EXOC4: variants seen among roughly 807,000 people sequenced by gnomAD.
The protein encoded by EXOC4 is SEC8-like 1.
Under a neutral mutation model 107.2 loss-of-function variants are expected in EXOC4, and 71 were observed. That is an observed-to-expected ratio of 0.66 (90% CI 0.55 to 0.81). The LOEUF (loss-of-function observed/expected upper bound fraction) is 0.81. Ranked by LOEUF, EXOC4 falls within the 30% of genes least tolerant of loss-of-function variation. The pLI is 0.00. For synonymous variants in EXOC4, 456 were observed against 441.2 expected (o/e 1.03, Z -0.42); for missense variants, 1,108 against 1,189.6 (o/e 0.93, Z 1.01).
intron 10 of EXOC4, among the ~76,000 whole-genome samples, chr7:133,742,689 A>T (rs1008122242): frequency 1.3e-5 from 2 of 152,156 alleles, no homozygotes; most frequent in African/African-American, 2.4e-5. Context: ...TAGCTCATGC[A>T]ATATTGCTTA....
At chr7:133,512,291 G>A (rs1321689215) in intron 9 of EXOC4, among the ~76,000 whole-genome samples, 10 of 152,008 alleles carry the variant, frequency 6.6e-5, no homozygotes, top group African/African-American at 1.7e-4. Context: ...TTAGCCAGGC[G>A]TGGTGGCTCG....
intron 16 of EXOC4, among the ~76,000 whole-genome samples, chr7:134,006,888 G>A (rs1794653841): frequency 6.6e-6 from 1 of 152,148 alleles, no homozygotes; most frequent in Admixed American, 6.5e-5. Context: ...GATATCCTGA[G>A]GAGGACTTAT....
chr7:134,060,045 AAC>A, intron 17 of EXOC4, among the ~76,000 whole-genome samples: 1 of 152,322 alleles, frequency 6.6e-6, no homozygotes, highest in Non-Finnish European at 1.5e-5. Context: ...AGCCACAGAG[AAC>A]AGTCTGTTGA....
intron 10 of EXOC4, among the ~76,000 whole-genome samples, chr7:133,794,919 T>C (rs1796780885): frequency 6.6e-6 from 1 of 151,988 alleles, no homozygotes; most frequent in Non-Finnish European, 1.5e-5. Context: ...ATTAGGTATA[T>C]CTCCTAATGC....
chr7:133,545,148 C>G (rs577109265), intron 9 of EXOC4, among the ~76,000 whole-genome samples: 4 of 152,038 alleles, frequency 2.6e-5, no homozygotes, highest in South Asian at 2.1e-4. Flanking sequence ...TTTCCTCCCC[C>G]ACTCTTGCAT....
chr7:133,254,004 A>G (rs888256798), intron 1 of EXOC4: 3 of 152,220 alleles, frequency 2.0e-5, no homozygotes, highest in African/African-American at 7.2e-5. Flanking sequence ...CACGTTTTTT[A>G]CGTTGTTGGC....
chr7:133,507,922 A>G (rs1217499015), intron 9 of EXOC4, among the ~76,000 whole-genome samples: 1 of 152,022 alleles, frequency 6.6e-6, no homozygotes, highest in African/African-American at 2.4e-5. Context: ...TTAACTGGGC[A>G]TGGTAGTGCA....
intron 9 of EXOC4, among the ~76,000 whole-genome samples, chr7:133,585,046 A>G (rs1383481332): frequency 6.6e-6 from 1 of 152,212 alleles, no homozygotes; most frequent in Admixed American, 6.5e-5. Context: ...AAATCTCAGC[A>G]TAAATCTTAG....
chr7:134,032,418 C>G (rs544643861), intron 17 of EXOC4, among the ~76,000 whole-genome samples: 2 of 152,334 alleles, frequency 1.3e-5, no homozygotes, highest in South Asian at 4.1e-4. Flanking sequence ...CCACCATCTT[C>G]CTGCTGCTAA....
At chr7:133,568,215 C>CT (rs1239165863) in intron 9 of EXOC4, among the ~76,000 whole-genome samples, 2 of 151,134 alleles carry the variant, frequency 1.3e-5, no homozygotes, top group African/African-American at 2.4e-5. Context: ...TCAGTTGCCT[C>CT]TTCTTTCCCC....
At chr7:134,011,854 G>A (rs567642068) in intron 17 of EXOC4, among the ~76,000 whole-genome samples, 23 of 151,420 alleles carry the variant, frequency 1.5e-4, no homozygotes, top group Non-Finnish European at 2.9e-4. Flanking sequence ...GAGGTAATCC[G>A]AAATTTTAGA....
rs182549487 is a variant in EXOC4, at chr7:133,338,995, G to A, written c.764-17335G>A. Among the ~76,000 whole-genome samples the A allele has an allele frequency of 1.4e-4, 21 of 152,098 alleles. No individual in the cohort carries two copies. In the East Asian group the frequency reaches 3.7e-3, roughly 27 times the overall value. ...TCGAACTCCAGACCTCAGGTCATCC[G>A]CCCTCCTTGCCCTCCCAAAGTGCTG... is the stretch of plus-strand genomic sequence containing the variant. On this transcript the variant is annotated intron_variant, in intron 5 of 17. Transcript: ENST00000253861.
At chr7:134,057,099 G>T (rs939408412) in intron 17 of EXOC4, among the ~76,000 whole-genome samples, 1 of 152,110 alleles carries the variant, frequency 6.6e-6, no homozygotes. Flanking sequence ...AGAGGTAACT[G>T]GTAACTGCCA....
intron 13 of EXOC4, among the ~76,000 whole-genome samples, chr7:133,924,942 C>A (rs1202966683): frequency 2.6e-5 from 4 of 152,190 alleles, no homozygotes; most frequent in Non-Finnish European, 5.9e-5. Context: ...TGACTCTTTC[C>A]TTTTAACCTG....
At position 133,673,791 on chromosome 7, in the gene EXOC4, A is replaced by G. The variant is rs545113951; in HGVS notation, c.1514+43650A>G. On this transcript the variant is annotated intron_variant, in intron 10 of 17. Coordinates refer to ENST00000253861, the MANE Select transcript of EXOC4 (RefSeq NM_021807.4). ...GGAATTCTGTTAAGTATGTTTTTCA[A>G]TAATTACTATGGCATTCTGTTACTA... Among the ~76,000 whole-genome samples the G allele has an allele frequency of 7.2e-5, 11 of 152,348 alleles. No individual in the cohort carries two copies. The East Asian group carries it at 7.7e-4, about 11-fold the overall frequency.
chr7:134,055,506 G>A (rs1563106884), intron 17 of EXOC4, among the ~76,000 whole-genome samples: 1 of 152,200 alleles, frequency 6.6e-6, no homozygotes, highest in South Asian at 2.1e-4. Context: ...GGGAGCATAT[G>A]TTCCCATCAA....
intron 4 of EXOC4, among the ~76,000 whole-genome samples, chr7:133,314,571 T>C (rs1214393867): frequency 6.6e-6 from 1 of 152,206 alleles, no homozygotes; most frequent in East Asian, 1.9e-4. Flanking sequence ...TAAATTTAAC[T>C]GAAATATGTT....
intron 7 of EXOC4, among the ~76,000 whole-genome samples, chr7:133,404,885 TACACACACACACACACACGCAC>T (rs1797179813): frequency 1.1e-5 from 1 of 94,276 alleles, no homozygotes; most frequent in African/African-American, 4.3e-5. Context: ...CCCCCCCCAA[TACACACACACACACACACGCAC>T]ACACACACAC....
At chr7:133,576,898 C>T in intron 9 of EXOC4, 1 of 1,280,402 alleles carries the variant, frequency 7.8e-7, no homozygotes, top group Non-Finnish European at 1.0e-6. Context: ...ATTAAATTAA[C>T]TTGTTTGTTC....
Sources: allele counts gnomAD v4.1 joint callset (sites outside exome capture counted in the v4.1 genomes callset), GRCh38; gene constraint gnomAD v4.1.1; transcripts MANE v1.5; gene names NCBI Gene and HGNC (gene_info 2026-07-23, HGNC 2026-07-21).